The following NFIB variants were observed in gnomAD, a reference collection of about 807,000 sequenced individuals.
The protein encoded by NFIB is nuclear factor I B.
A neutral mutation model predicts 61.5 loss-of-function variants in NFIB; 11 were observed. The observed-to-expected ratio is 0.18, with a 90% CI of 0.11 to 0.30. The LOEUF (loss-of-function observed/expected upper bound fraction) is 0.30, where lower values mean the gene tolerates loss of function less well. Among genes scored for constraint, NFIB ranks in the 10% least tolerant of loss-of-function variants. NFIB has a pLI of 1.00. For missense variants in NFIB, 471 were observed against 608.9 expected, an observed-to-expected ratio of 0.77 and a Z score of 2.38; for synonymous variants, 260 against 216.5, an observed-to-expected ratio of 1.20 and a Z score of -1.76.
At position 14,397,133 on chromosome 9, in the gene NFIB, A is replaced by G. The variant is rs76294197; in HGVS notation, c.108+1391T>C. On this transcript the variant is annotated intron_variant, in intron 1 of 8. Coordinates refer to the NFIB transcript ENST00000380934. ...TTTCTCACTCTTCTTCTTTAAGTAAAAAGCCCACTGATATTAGATGGGCAA... is the reference window on the plus strand; with the variant it reads ...TTTCTCACTCTTCTTCTTTAAGTAAGAAGCCCACTGATATTAGATGGGCAA... Among the ~76,000 whole-genome samples the G allele has an allele frequency of 7.7e-3, 1,177 of 152,332 alleles. 21 individuals carry two copies. The highest frequency in any genetic ancestry group is 0.027 in the African/African-American group (1,120 of 41,566).
At position 14,206,476 on chromosome 9, in the gene NFIB, C is replaced by T. The variant is rs1351916469; in HGVS notation, c.563-26696G>A. Among the ~76,000 whole-genome samples the T allele has an allele frequency of 2.0e-5, 3 of 151,924 alleles. No homozygotes were observed. The South Asian group carries it at 6.2e-4, about 32-fold the overall frequency. On this transcript the variant is annotated intron_variant, in intron 2 of 10. Coordinates refer to ENST00000380953, the MANE Select transcript of NFIB (RefSeq NM_001190737.2). ...GAGCCAAGCACCTGGCCCTTACTAA[C>T]ACTCTTAAAACTTGAGCTAATTTCT...
At chr9:14,483,132 A>G in the NFIB span, among the ~76,000 whole-genome samples, 1 of 152,232 alleles carries the variant, frequency 6.6e-6, no homozygotes, top group Admixed American at 6.5e-5. Flanking sequence ...AGGCTGTTCG[A>G]AAAGAAACAG....
chr9:14,245,920 AGAG>A (rs1419881593), intron 2 of NFIB, among the ~76,000 whole-genome samples: 1 of 152,106 alleles, frequency 6.6e-6, no homozygotes, highest in African/African-American at 2.4e-5. Flanking sequence ...AAAGTGGGAC[AGAG>A]GAGGGAGTGA....
chr9:14,452,887 A>T, the NFIB span, among the ~76,000 whole-genome samples: 1 of 152,246 alleles, frequency 6.6e-6, no homozygotes, highest in African/African-American at 2.4e-5. Context: ...TGGACCACAC[A>T]TGTGGTTAAA....
At chr9:14,421,337 T>C in the NFIB span, among the ~76,000 whole-genome samples, 1 of 152,238 alleles carries the variant, frequency 6.6e-6, no homozygotes, top group Non-Finnish European at 1.5e-5. Flanking sequence ...ATGTTAATTA[T>C]TGGATGAGAT....
chr9:14,170,436 G>C (rs942418558), intron 3 of NFIB, among the ~76,000 whole-genome samples: 1 of 152,104 alleles, frequency 6.6e-6, no homozygotes, highest in African/African-American at 2.4e-5. Context: ...CAGCCCAGGA[G>C]CTGGGGACCA....
At chr9:14,241,554 AT>A (rs2054357998) in intron 2 of NFIB, among the ~76,000 whole-genome samples, 1 of 152,130 alleles carries the variant, frequency 6.6e-6, no homozygotes, top group Non-Finnish European at 1.5e-5. Context: ...ACAGCTTGCC[AT>A]ATTTCCTAGA....
chr9:14,343,867 G>A (rs182925362), intron 1 of NFIB, among the ~76,000 whole-genome samples: 6 of 151,918 alleles, frequency 3.9e-5, no homozygotes, highest in African/African-American at 7.3e-5. Flanking sequence ...CTTATAGAAA[G>A]AGAGCAAAGA....
rs114886110 is a variant in NFIB at position 14,288,524 on chromosome 9, G to C, written c.562+18465C>G. On this transcript the variant is annotated intron_variant, in intron 2 of 10. Transcript: ENST00000380953. ...ATGCAGTTAATTTATGTGAAAAGTA[G>C]ACTCTTGGTTATCTGTTTCATTTTG... Among the ~76,000 whole-genome samples the C allele has an allele frequency of 9.6e-3, 1,466 of 152,100 alleles. 25 individuals are homozygous for C. Among genetic ancestry groups the C allele is most frequent in the African/African-American group, 0.034 (1,407 of 41,512 alleles).
intron 4 of NFIB, among the ~76,000 whole-genome samples, chr9:14,153,311 A>T (rs976574796): frequency 3.3e-5 from 5 of 152,098 alleles, no homozygotes; most frequent in African/African-American, 1.2e-4. Flanking sequence ...AAAACAACAC[A>T]CATGGAAATT....
chr9:14,429,355 C>T, the NFIB span, among the ~76,000 whole-genome samples: 1 of 152,176 alleles, frequency 6.6e-6, no homozygotes, highest in East Asian at 1.9e-4. Context: ...AGTCCAAAGT[C>T]AAGGAGTCAA....
intron 4 of NFIB, among the ~76,000 whole-genome samples, chr9:14,154,292 T>C (rs907619990): frequency 6.6e-6 from 1 of 152,054 alleles, no homozygotes; most frequent in East Asian, 1.9e-4. Context: ...AAATATACCA[T>C]TGAACTTGAA....
chr9:14,111,589 AACACAATGG>A (rs1279584561), intron 10 of NFIB, among the ~76,000 whole-genome samples: 2 of 152,194 alleles, frequency 1.3e-5, no homozygotes, highest in Non-Finnish European at 2.9e-5. Context: ...TTTTTTAAAA[AACACAATGG>A]ACACATACAT....
chr9:14,211,616 AC>A (rs1354684976), intron 2 of NFIB, among the ~76,000 whole-genome samples: 2 of 152,214 alleles, frequency 1.3e-5, no homozygotes, highest in Non-Finnish European at 2.9e-5. Flanking sequence ...AGAGCCAGGG[AC>A]AAAACAAGTC....
intron 2 of NFIB, among the ~76,000 whole-genome samples, chr9:14,237,813 TGTAAGCTCCTCACCCTGCTAGGTATAACA>T (rs2053918660): frequency 1.2e-5 from 1 of 82,350 alleles, no homozygotes; most frequent in East Asian, 2.7e-4. Context: ...TGTGTGTGTG[TGTAAGCTCCTCACCCTGCTAGGTATAACA>T]GTGTGTGTGT....
chr9:14,097,691 C>T (rs1643515930), intron 10 of NFIB, among the ~76,000 whole-genome samples: 1 of 151,972 alleles, frequency 6.6e-6, no homozygotes, highest in Non-Finnish European at 1.5e-5. Flanking sequence ...ATATGGTTTG[C>T]AACCCATTAT....
intron 2 of NFIB, among the ~76,000 whole-genome samples, chr9:14,282,510 T>C (rs552069840): frequency 9.2e-5 from 14 of 152,372 alleles, no homozygotes; most frequent in Middle Eastern, 3.4e-3. Flanking sequence ...TTACAAGTGA[T>C]GTGACTTTCT....
chr9:14,187,049 G>C (rs946795891), intron 2 of NFIB, among the ~76,000 whole-genome samples: 1 of 148,880 alleles, frequency 6.7e-6, no homozygotes, highest in African/African-American at 2.5e-5. Context: ...GTGTGTGTGT[G>C]TGTGTGTGTG....
At chr9:14,470,089 TC>T in the NFIB span, among the ~76,000 whole-genome samples, 1 of 152,328 alleles carries the variant, frequency 6.6e-6, no homozygotes, top group Admixed American at 6.5e-5. Flanking sequence ...TCTCTGTGCC[TC>T]AGTTTATTTA....
Sources: gnomAD v4.1 joint callset for allele counts (sites outside exome capture counted in the v4.1 genomes callset) on GRCh38, gnomAD v4.1.1 for gene constraint, MANE v1.5 for transcripts, NCBI Gene and HGNC (gene_info 2026-07-23, HGNC 2026-07-21) for gene names.